AGBL4: variants seen among roughly 807,000 people sequenced by gnomAD.
AGBL4 encodes the protein AGBL carboxypeptidase 4.
AGBL4 carries 58 observed loss-of-function variants against 66.4 expected under a neutral mutation model. The observed-to-expected ratio is 0.87, with a 90% CI of 0.71 to 1.09. The LOEUF (loss-of-function observed/expected upper bound fraction) is 1.09, where lower values mean the gene tolerates loss of function less well. Among genes scored for constraint, AGBL4 ranks in the 50% least tolerant of loss-of-function variants. The probability of loss-of-function intolerance (pLI) is 0.00; values close to 1 mark genes in which losing one functional copy is unlikely to be tolerated. For synonymous variants in AGBL4, 234 were observed against 222.9 expected (o/e 1.05, Z -0.44); for missense variants, 579 against 631.0 (o/e 0.92, Z 0.88).
intron 5 of AGBL4, among the ~76,000 whole-genome samples, chr1:48,945,007 T>C (rs1439517273): frequency 6.6e-6 from 1 of 152,188 alleles, no homozygotes; most frequent in Non-Finnish European, 1.5e-5. Flanking sequence ...GTGACAATCA[T>C]GGAAACTATG....
At chr1:49,206,222 A>T (rs566434899) in intron 4 of AGBL4, among the ~76,000 whole-genome samples, 2 of 152,248 alleles carry the variant, frequency 1.3e-5, no homozygotes, top group East Asian at 3.9e-4. Flanking sequence ...GTTCACAATC[A>T]GCTTTTCTAT....
At chr1:49,662,711 A>G (rs1055504730) in intron 3 of AGBL4, among the ~76,000 whole-genome samples, 2 of 152,114 alleles carry the variant, frequency 1.3e-5, no homozygotes, top group African/African-American at 2.4e-5. Flanking sequence ...AGTACTTTCA[A>G]TCCTGGCAAT....
chr1:49,026,808 A>C (rs893311365), intron 5 of AGBL4, among the ~76,000 whole-genome samples: 1 of 152,198 alleles, frequency 6.6e-6, no homozygotes, highest in African/African-American at 2.4e-5. Context: ...CTTCTGAAGC[A>C]CATCTATGTC....
intron 1 of AGBL4, among the ~76,000 whole-genome samples, chr1:49,881,032 C>A (rs553461843): frequency 3.9e-5 from 6 of 152,084 alleles, no homozygotes; most frequent in Non-Finnish European, 8.8e-5. Flanking sequence ...GCACAGTGCG[C>A]GCACCCACTG....
chr1:49,684,746 G>A (rs1208751611), intron 3 of AGBL4, among the ~76,000 whole-genome samples: 4 of 152,048 alleles, frequency 2.6e-5, no homozygotes. Flanking sequence ...TTTGGCTATC[G>A]TAACAGGTTT....
intron 1 of AGBL4, among the ~76,000 whole-genome samples, chr1:49,922,670 C>T (rs899511372): frequency 1.6e-4 from 24 of 152,208 alleles, no homozygotes; most frequent in African/African-American, 5.8e-4. Context: ...AAACCAACAA[C>T]AGCCAAGCCA....
intron 6 of AGBL4, among the ~76,000 whole-genome samples, chr1:48,663,549 C>G (rs901508818): frequency 6.6e-6 from 1 of 152,160 alleles, no homozygotes; most frequent in African/African-American, 2.4e-5. Context: ...TGACTTTAGG[C>G]AACTTGTGTA....
chr1:48,647,015 G>C (rs1483287198), intron 8 of AGBL4, among the ~76,000 whole-genome samples: 1 of 152,140 alleles, frequency 6.6e-6, no homozygotes, highest in African/African-American at 2.4e-5. Flanking sequence ...ATTTCCTTCT[G>C]CTTCCCCAAG....
chr1:49,317,572 C>G (rs1645062044), intron 3 of AGBL4, among the ~76,000 whole-genome samples: 1 of 151,766 alleles, frequency 6.6e-6, no homozygotes, highest in Non-Finnish European at 1.5e-5. Context: ...GCTTAGAGAT[C>G]CCCATAATTA....
intron 3 of AGBL4, among the ~76,000 whole-genome samples, chr1:49,490,897 A>G (rs1647173328): frequency 6.6e-6 from 1 of 151,644 alleles, no homozygotes; most frequent in African/African-American, 2.4e-5. Flanking sequence ...GTTAAGCTTA[A>G]CTTCCTCCTA....
chr1:49,306,946 G>T (rs953987391), intron 3 of AGBL4, among the ~76,000 whole-genome samples: 1 of 152,132 alleles, frequency 6.6e-6, no homozygotes, highest in African/African-American at 2.4e-5. Context: ...AGAAAGTTTA[G>T]ATCACTTGCA....
intron 3 of AGBL4, among the ~76,000 whole-genome samples, chr1:49,357,706 C>T (rs1644048263): frequency 6.6e-6 from 1 of 152,124 alleles, no homozygotes; most frequent in Non-Finnish European, 1.5e-5. Context: ...AAATGGATGA[C>T]CACTCCAAGC....
At chr1:49,662,148 CTT>C (rs1322167627) in intron 3 of AGBL4, among the ~76,000 whole-genome samples, 4 of 150,928 alleles carry the variant, frequency 2.7e-5, no homozygotes, top group African/African-American at 9.7e-5. Context: ...AATGAGGAAA[CTT>C]TTGGGCTAAT....
chr1:49,186,538 TAAC>T (rs199768451), intron 4 of AGBL4, among the ~76,000 whole-genome samples: 577 of 152,238 alleles, frequency 3.8e-3, no homozygotes, highest in Non-Finnish European at 5.1e-3. Flanking sequence ...CCCTACATGG[TAAC>T]AACAATACCA....
intron 9 of AGBL4, among the ~76,000 whole-genome samples, chr1:48,631,909 T>C (rs1645599817): frequency 6.6e-6 from 1 of 152,178 alleles, no homozygotes; most frequent in Non-Finnish European, 1.5e-5. Context: ...AAGTCATACT[T>C]TGTGCTTTTG....
chr1:49,516,540 G>C (rs763140509), intron 3 of AGBL4, among the ~76,000 whole-genome samples: 1 of 152,004 alleles, frequency 6.6e-6, no homozygotes, highest in Non-Finnish European at 1.5e-5. Flanking sequence ...AGGCAAGGTG[G>C]GGAAAAGGAA....
chr1:48,666,665 A>G (rs917516538), intron 6 of AGBL4, among the ~76,000 whole-genome samples: 1 of 152,224 alleles, frequency 6.6e-6, no homozygotes, highest in Non-Finnish European at 1.5e-5. Flanking sequence ...ACAGAAAACC[A>G]AGGCCAAGAG....
chr1:49,791,481 C>A (rs1644598001), intron 2 of AGBL4, among the ~76,000 whole-genome samples: 2 of 152,124 alleles, frequency 1.3e-5, no homozygotes, highest in Middle Eastern at 3.4e-3. Flanking sequence ...CAGTTTCCTG[C>A]CTATATCTCT....
intron 4 of AGBL4, among the ~76,000 whole-genome samples, chr1:49,157,537 A>C (rs1646457367): frequency 6.6e-6 from 1 of 152,158 alleles, no homozygotes; most frequent in East Asian, 1.9e-4. Context: ...TGCTGTAATA[A>C]ACATACGAGT....
Sources: gnomAD v4.1 joint callset for allele counts (sites outside exome capture counted in the v4.1 genomes callset) on GRCh38, gnomAD v4.1.1 for gene constraint, MANE v1.5 for transcripts, NCBI Gene and HGNC (gene_info 2026-07-23, HGNC 2026-07-21) for gene names.